ABCC12: variants seen among roughly 807,000 people sequenced by gnomAD.
ABCC12 encodes ATP binding cassette subfamily C member 12.
Under a neutral mutation model 151.1 loss-of-function variants are expected in ABCC12, and 142 were observed. The ratio of observed to expected loss-of-function variants is 0.94; its 90% confidence interval spans 0.82 to 1.08. The LOEUF is 1.08. Ranked by LOEUF, ABCC12 falls within the 50% of genes least tolerant of loss-of-function variation. ABCC12 has a pLI of 0.00. For synonymous variants in ABCC12, 645 were observed against 646.4 expected (o/e 1.00, Z 0.03); for missense variants, 1,638 against 1,691.1 (o/e 0.97, Z 0.55).
At chr16:48,145,550 G>A (rs1235639718) in intron 3 of ABCC12, among the ~76,000 whole-genome samples, 14 of 152,148 alleles carry the variant, frequency 9.2e-5, no homozygotes, top group Admixed American at 9.2e-4. Context: ...AATATAAGCT[G>A]GCTTGTGATC....
chr16:48,145,145 C>T (rs974978136), intron 3 of ABCC12, among the ~76,000 whole-genome samples: 4 of 152,102 alleles, frequency 2.6e-5, no homozygotes, highest in South Asian at 2.1e-4. Context: ...TAATAGCCCA[C>T]GTCCTCACCT....
chr16:48,133,166 C>T (rs1042909410), intron 9 of ABCC12, among the ~76,000 whole-genome samples: 3 of 152,072 alleles, frequency 2.0e-5, no homozygotes, highest in Non-Finnish European at 2.9e-5. Context: ...CAGCCATGGA[C>T]GTGATTAAGA....
chr16:48,140,707 T>C lies in ABCC12; in HGVS notation c.637A>G (p.Thr213Ala). The change falls in exon 6 of 31, where the codon ACC (threonine) becomes GCC (alanine). Residue 213 changes from threonine (T) to alanine (A), a missense_variant. Transcript: ENST00000311303. ...FENLVSFKTLTHISVGEVLNI... is the reference protein window; with the variant it reads ...FENLVSFKTLAHISVGEVLNI... ...CTTACCTCGCCAACAGAGATGTGGG[T>C]CAATGTCTTGAAGGACACTAGGTTT... 1 of 1,614,098 alleles carries C rather than the reference T, an allele frequency of 6.2e-7. No individual in the cohort carries two copies. Among genetic ancestry groups the C allele is most frequent in the Non-Finnish European group, 8.5e-7 (1 of 1,179,988 alleles).
At chr16:48,130,234 T>C (rs1289530198) in intron 10 of ABCC12, among the ~76,000 whole-genome samples, 1 of 152,250 alleles carries the variant, frequency 6.6e-6, no homozygotes, top group Admixed American at 6.5e-5. Flanking sequence ...TTATCATGTA[T>C]AGAAATTCTT....
chr16:48,119,855 G>A (rs1486823505), intron 13 of ABCC12, among the ~76,000 whole-genome samples: 3 of 152,178 alleles, frequency 2.0e-5, no homozygotes, highest in South Asian at 2.1e-4. Flanking sequence ...GGAGCTCAAC[G>A]TCTAAGTCCA....
chr16:48,132,032 G>A (rs1460985451), intron 9 of ABCC12, among the ~76,000 whole-genome samples: 1 of 152,308 alleles, frequency 6.6e-6, no homozygotes, highest in East Asian at 1.9e-4. Context: ...TGAATCCAAA[G>A]GACCCAGAGC....
intron 15 of ABCC12, among the ~76,000 whole-genome samples, chr16:48,114,708 C>G (rs1268014041): frequency 1.3e-5 from 2 of 152,210 alleles, no homozygotes; most frequent in African/African-American, 4.8e-5. Flanking sequence ...GGTCTGGAAG[C>G]AGGGAAACCT....
chr16:48,115,581 C>G lies in ABCC12; in HGVS notation c.1823G>C (p.Arg608Thr). The G allele has an allele frequency of 6.2e-7, 1 of 1,614,120 alleles. No individual in the cohort carries two copies. The change falls in exon 15 of 31, where the codon AGG (arginine) becomes ACG (threonine). Residue 608 changes from arginine (R) to threonine (T), a missense_variant. Transcript: ENST00000311303. ...ERGLNLSGGQRQRISLARAVY... is the reference protein window; with the variant it reads ...ERGLNLSGGQTQRISLARAVY... The stretch of plus-strand genomic sequence containing the variant: ...AGCGCGGGCCAGGCTAATCCTCTGC[C>G]TCTGCCCCCCAGAGAGGTTGAGGCC...
At chr16:48,144,665 C>A (rs16945890) in intron 3 of ABCC12, among the ~76,000 whole-genome samples, 4,901 of 152,206 alleles carry the variant, frequency 0.032, 251 homozygotes, top group African/African-American at 0.11. Flanking sequence ...CCTTTTCCTC[C>A]TTCCCTACAT....
In ABCC12 at chr16:48,138,208, A is replaced by G; in HGVS notation, c.979+20T>C. On this transcript the variant is annotated intron_variant, in intron 8 of 30. Coordinates refer to ENST00000311303, the MANE Select transcript of ABCC12 (RefSeq NM_001393797.1). The stretch of plus-strand genomic sequence containing the variant: ...ATTCTACAAGGTAAGTGGTTCTTTA[A>G]GCAGCTACTCTTGTCCTACCTTGGA... 6.3e-7 allele frequency: 1 copy of G among 1,584,412 alleles called. No individual in the cohort carries two copies. Among genetic ancestry groups the G allele is most frequent in the Non-Finnish European group, 8.6e-7 (1 of 1,158,586 alleles).
intron 9 of ABCC12, among the ~76,000 whole-genome samples, chr16:48,133,311 C>G (rs1460457527): frequency 6.6e-6 from 1 of 151,990 alleles, no homozygotes; most frequent in East Asian, 1.9e-4. Context: ...TACCTGAGGT[C>G]GGGAGTTCAA....
chr16:48,112,031 G>A, intron 15 of ABCC12, 121 bp from the exon 16 acceptor site: 1 of 1,280,232 alleles, frequency 7.8e-7, no homozygotes, highest in Non-Finnish European at 1.1e-6. Context: ...TGTTTGAGGG[G>A]GCTGTCCTGT....
chr16:48,092,615 G>A (rs947199076), intron 24 of ABCC12, among the ~76,000 whole-genome samples: 1 of 152,142 alleles, frequency 6.6e-6, no homozygotes, highest in Non-Finnish European at 1.5e-5. Flanking sequence ...CATGGGCCAG[G>A]TACTGGTTGG....
chr16:48,141,310 C>T lies in ABCC12; in HGVS notation c.319G>A (p.Glu107Lys). Residue 107 changes from glutamate to lysine, a missense_variant, in exon 5 of 31, where the codon GAG becomes AAG. Glu to Lys is a moderately conservative substitution (Grantham distance 56). Coordinates refer to ENST00000311303, the MANE Select transcript of ABCC12 (RefSeq NM_001393797.1). ...ACCACGTGGCTCAGAGAGGCCTTCT[C>T]AGGACCCACCCTTGCTACCTCTTCA... Reference protein sequence around the residue: ...WDEEVARVGPEKASLSHVVWK... With the variant: ...WDEEVARVGPKKASLSHVVWK... The T allele has an allele frequency of 1.2e-6, 2 of 1,614,256 alleles. No homozygotes were observed. Among genetic ancestry groups the T allele is most frequent in the Non-Finnish European group, 1.7e-6 (2 of 1,180,050 alleles).
chr16:48,111,563 G>A lies in ABCC12; in HGVS notation c.2209+15C>T, dbSNP rs1239627592. 2 of 1,614,146 alleles carry A rather than the reference G, an allele frequency of 1.2e-6. No homozygotes were observed. Among genetic ancestry groups the A allele is most frequent in the Admixed American group, 3.3e-5 (2 of 60,022 alleles). On this transcript the variant is annotated intron_variant, in intron 17 of 30. Transcript: ENST00000311303. Reference sequence around the variant, plus strand: ...CCATTCAAGCCAAGGACAATAACAGGGATGGGATTCTAACCGATTATACCA... The same window carrying A: ...CCATTCAAGCCAAGGACAATAACAGAGATGGGATTCTAACCGATTATACCA...
intron 19 of ABCC12, among the ~76,000 whole-genome samples, chr16:48,108,008 C>CA (rs961594613): frequency 1.0e-3 from 146 of 139,072 alleles, no homozygotes; most frequent in Non-Finnish European, 1.6e-3. Flanking sequence ...GACTCCATTT[C>CA]AAAAAAAAAA....
rs1432893356 is a variant in ABCC12 at position 48,146,306 on chromosome 16, C to T, written c.119G>A (p.Arg40Lys). The T allele has an allele frequency of 1.2e-6, 2 of 1,614,108 alleles. No homozygotes were observed. The highest frequency in any genetic ancestry group is 1.7e-5 in the Admixed American group (1 of 60,028). The change falls in exon 3 of 31, where the codon AGG becomes AAG. Residue 40 changes from arginine (R) to lysine (K), a missense_variant and splice_region_variant. Physicochemically the swap from Arg to Lys is conservative, Grantham distance 26 (BLOSUM62 2). Coordinates refer to ENST00000311303, the MANE Select transcript of ABCC12 (RefSeq NM_001393797.1). ...KTMIPVRPCA[R>K]LAPNPVDDAG... The stretch of plus-strand genomic sequence containing the variant: ...CCCTTCTGTCCTTCTTCTGACTTAC[C>T]TTGCACAGGGTCGCACTGGGATCAT...
intron 27 of ABCC12, 172 bp downstream of exon 27, chr16:48,087,754 A>G (rs1048009784): frequency 3.1e-6 from 2 of 651,404 alleles, no homozygotes; most frequent in African/African-American, 1.8e-5. Flanking sequence ...GGCTCCTCCC[A>G]AGGCTGGATG....
chr16:48,135,026 T>C (rs1017860459), intron 8 of ABCC12, among the ~76,000 whole-genome samples: 2 of 142,836 alleles, frequency 1.4e-5, no homozygotes, highest in African/African-American at 5.3e-5. Context: ...CACTCCAGCC[T>C]GGGCGAGAGC....
Sources: allele counts gnomAD v4.1 joint callset (sites outside exome capture counted in the v4.1 genomes callset), GRCh38; gene constraint gnomAD v4.1.1; transcripts MANE v1.5; gene names NCBI Gene and HGNC (gene_info 2026-07-23, HGNC 2026-07-21).